MAGI2: variants seen among roughly 807,000 people sequenced by gnomAD.
MAGI2 encodes the protein membrane-associated guanylate kinase, WW and PDZ domain-containing protein 2.
Under a neutral mutation model 133.3 loss-of-function variants are expected in MAGI2, and 35 were observed. The observed-to-expected ratio is 0.26, with a 90% CI of 0.20 to 0.35. MAGI2 has a LOEUF of 0.35. Ranked by LOEUF, MAGI2 falls within the 10% of genes least tolerant of loss-of-function variation. The pLI is 1.00. For missense variants in MAGI2, 1,636 were observed against 1,863.4 expected, an observed-to-expected ratio of 0.88 and a Z score of 2.25; for synonymous variants, 729 against 710.6, an observed-to-expected ratio of 1.03 and a Z score of -0.41.
intron 1 of MAGI2, among the ~76,000 whole-genome samples, chr7:79,249,000 A>T (rs1459199176): frequency 6.6e-6 from 1 of 152,010 alleles, no homozygotes; most frequent in Non-Finnish European, 1.5e-5. Context: ...AGTAGCTGGG[A>T]TTACAGGTGC....
At chr7:78,307,235 C>T (rs1798316055) in intron 9 of MAGI2, among the ~76,000 whole-genome samples, 1 of 152,092 alleles carries the variant, frequency 6.6e-6, no homozygotes, top group Admixed American at 6.6e-5. Flanking sequence ...AAGTATTTTA[C>T]ATATTTTCAC....
At chr7:78,562,623 C>T (rs1289429196) in intron 3 of MAGI2, among the ~76,000 whole-genome samples, 2 of 152,138 alleles carry the variant, frequency 1.3e-5, no homozygotes, top group Non-Finnish European at 2.9e-5. Context: ...AAAAATCATA[C>T]TATATCTAGT....
At chr7:78,469,946 T>C (rs1791023418) in intron 6 of MAGI2, among the ~76,000 whole-genome samples, 1 of 152,172 alleles carries the variant, frequency 6.6e-6, no homozygotes, top group Non-Finnish European at 1.5e-5. Flanking sequence ...AACCAAGGAA[T>C]AGTCAATAAA....
At chr7:78,609,928 T>C (rs983878818) in intron 3 of MAGI2, among the ~76,000 whole-genome samples, 2 of 152,132 alleles carry the variant, frequency 1.3e-5, no homozygotes, top group African/African-American at 2.4e-5. Context: ...TCTTAACTTC[T>C]AGTTTAATGT....
chr7:78,997,456 G>A (rs1184438049), intron 2 of MAGI2, among the ~76,000 whole-genome samples: 1 of 152,078 alleles, frequency 6.6e-6, no homozygotes, highest in Non-Finnish European at 1.5e-5. Context: ...ACAAAAATTA[G>A]CTGGGCATGG....
At chr7:78,335,338 T>C (rs1156765987) in intron 9 of MAGI2, among the ~76,000 whole-genome samples, 3 of 152,062 alleles carry the variant, frequency 2.0e-5, no homozygotes, top group African/African-American at 7.2e-5. Context: ...CACACCCAAG[T>C]CAGAGAATGG....
chr7:78,648,075 A>G (rs190578229), intron 2 of MAGI2, among the ~76,000 whole-genome samples: 242 of 152,264 alleles, frequency 1.6e-3, no homozygotes, highest in African/African-American at 5.3e-3. Context: ...CAGCAAACCA[A>G]CATGGCACAT....
At chr7:79,414,677 T>C (rs886373995) in intron 1 of MAGI2, 12 of 152,176 alleles carry the variant, frequency 7.9e-5, no homozygotes, top group African/African-American at 2.7e-4. Flanking sequence ...ATAAGTGAAA[T>C]AGTTCCTTAA....
chr7:79,330,397 G>A (rs1210563691), intron 1 of MAGI2, among the ~76,000 whole-genome samples: 4 of 151,318 alleles, frequency 2.6e-5, no homozygotes, highest in Non-Finnish European at 2.9e-5. Flanking sequence ...AGATTTCATC[G>A]TTTTAGCCAG....
intron 1 of MAGI2, among the ~76,000 whole-genome samples, chr7:79,345,124 T>A (rs1329753905): frequency 6.6e-6 from 1 of 152,008 alleles, no homozygotes; most frequent in African/African-American, 2.4e-5. Flanking sequence ...GTCACCCTGT[T>A]GGGAAACAGG....
At chr7:78,742,552 T>C (rs192264095) in intron 2 of MAGI2, among the ~76,000 whole-genome samples, 6 of 152,346 alleles carry the variant, frequency 3.9e-5, no homozygotes, top group Non-Finnish European at 8.8e-5. Context: ...CTGGCTTGGA[T>C]AATTTTCTGA....
At chr7:78,828,342 T>TA (rs1319042842) in intron 2 of MAGI2, among the ~76,000 whole-genome samples, 1 of 152,234 alleles carries the variant, frequency 6.6e-6, no homozygotes, top group Non-Finnish European at 1.5e-5. Context: ...GCCATGTTGA[T>TA]AGCATGTCTT....
chr7:79,064,384 G>A (rs1283506443), intron 1 of MAGI2, among the ~76,000 whole-genome samples: 1 of 151,990 alleles, frequency 6.6e-6, no homozygotes, highest in East Asian at 1.9e-4. Flanking sequence ...AAAGTTCAAT[G>A]ACTTGCATAA....
chr7:78,324,435 A>G (rs898075184), intron 9 of MAGI2, among the ~76,000 whole-genome samples: 2 of 152,208 alleles, frequency 1.3e-5, no homozygotes, highest in Admixed American at 1.3e-4. Context: ...TTTGGATCCC[A>G]GGCTTATTGC....
At position 78,219,175 on chromosome 7, in the gene MAGI2, T is replaced by G. The variant is rs930028132; in HGVS notation, c.2048-17982A>C. Among the ~76,000 whole-genome samples, 5 of 152,234 alleles carry G rather than the reference T, an allele frequency of 3.3e-5. No individual in the cohort carries two copies. The South Asian group carries it at 6.2e-4, about 19-fold the overall frequency. Reference sequence around the variant, plus strand: ...CCTTATTTTCTCACTTTATACACGTTCCCTTGGGGTCTCCCTCTCTCTCAT... The same window carrying G: ...CCTTATTTTCTCACTTTATACACGTGCCCTTGGGGTCTCCCTCTCTCTCAT... On this transcript the variant is annotated intron_variant, in intron 10 of 21. Transcript: ENST00000354212.
At chr7:78,788,646 G>A (rs1351845755) in intron 2 of MAGI2, among the ~76,000 whole-genome samples, 1 of 151,224 alleles carries the variant, frequency 6.6e-6, no homozygotes, top group African/African-American at 2.4e-5. Flanking sequence ...GTGCAATCCA[G>A]TTTAGATTTC....
chr7:78,675,123 G>T (rs1283105533), intron 2 of MAGI2, among the ~76,000 whole-genome samples: 48 of 152,036 alleles, frequency 3.2e-4, no homozygotes, highest in Non-Finnish European at 4.4e-5. Context: ...ATTGCTGGGG[G>T]TTACTGCAAA....
chr7:79,431,671 G>A (rs1335320849), intron 1 of MAGI2, among the ~76,000 whole-genome samples: 1 of 152,150 alleles, frequency 6.6e-6, no homozygotes, highest in African/African-American at 2.4e-5. Flanking sequence ...TCTAAGATGG[G>A]AAGAAGGAGA....
chr7:79,327,725 TATA>T (rs1839800619), intron 1 of MAGI2, among the ~76,000 whole-genome samples: 1 of 151,962 alleles, frequency 6.6e-6, no homozygotes, highest in Non-Finnish European at 1.5e-5. Context: ...CTTTTTGTCA[TATA>T]ATAAACACAA....
Sources: gnomAD v4.1 joint callset for allele counts (sites outside exome capture counted in the v4.1 genomes callset) on GRCh38, gnomAD v4.1.1 for gene constraint, MANE v1.5 for transcripts, NCBI Gene and HGNC (gene_info 2026-07-23, HGNC 2026-07-21) for gene names.